ADARB2: variants seen among roughly 807,000 people sequenced by gnomAD.
ADARB2 encodes inactive double-stranded RNA-specific editase B2.
In ADARB2, 25 loss-of-function variants were observed where a neutral mutation model predicts 62.2. The ratio of observed to expected loss-of-function variants is 0.40; its 90% CI spans 0.29 to 0.56. ADARB2 has a LOEUF of 0.56. Among genes scored for constraint, ADARB2 ranks in the 20% least tolerant of loss-of-function variants. The pLI, the probability that ADARB2 is intolerant of heterozygous loss-of-function variation, is 0.43. For missense variants in ADARB2, 1,071 were observed against 1,077.4 expected (o/e 0.99, Z 0.08); for synonymous variants, 572 against 500.8 (o/e 1.14, Z -1.90).
intron 4 of ADARB2, among the ~76,000 whole-genome samples, chr10:1,245,385 G>A (rs908960105): frequency 3.3e-5 from 5 of 151,892 alleles, no homozygotes; most frequent in South Asian, 2.1e-4. Context: ...TGTGCACAAC[G>A]TGCAGGTTAG....
At chr10:1,323,161 A>G (rs1486061610) in intron 3 of ADARB2, among the ~76,000 whole-genome samples, 1 of 152,132 alleles carries the variant, frequency 6.6e-6, no homozygotes, top group Admixed American at 6.5e-5. Context: ...ACTGCATCTG[A>G]ATCTGAGGAA....
At chr10:1,453,523 C>T (rs577935668) in intron 1 of ADARB2, among the ~76,000 whole-genome samples, 7 of 152,274 alleles carry the variant, frequency 4.6e-5, no homozygotes, top group Admixed American at 6.5e-5. Flanking sequence ...ACACTGTCCT[C>T]TCTCCACTGA....
intron 1 of ADARB2, among the ~76,000 whole-genome samples, chr10:1,444,794 C>T (rs752331065): frequency 1.3e-5 from 2 of 150,254 alleles, no homozygotes; most frequent in Admixed American, 6.6e-5. Flanking sequence ...TCCATCCACC[C>T]ACTCATTCAT....
chr10:1,338,069 A>G (rs2131837122), intron 3 of ADARB2, among the ~76,000 whole-genome samples: 1 of 152,372 alleles, frequency 6.6e-6, no homozygotes, highest in South Asian at 2.1e-4. Context: ...AAATAAAAGC[A>G]TCTATTTTAC....
chr10:1,448,790 C>A (rs1000724785), intron 1 of ADARB2, among the ~76,000 whole-genome samples: 2 of 152,266 alleles, frequency 1.3e-5, no homozygotes, highest in Admixed American at 1.3e-4. Flanking sequence ...CCTTTGTCGA[C>A]CTAGCACTGC....
chr10:1,427,521 G>A (rs930353103), intron 1 of ADARB2, among the ~76,000 whole-genome samples: 1 of 152,214 alleles, frequency 6.6e-6, no homozygotes, highest in Non-Finnish European at 1.5e-5. Context: ...AAACTACAGT[G>A]AGATGTTACC....
chr10:1,300,299 G>C (rs1049409153), intron 3 of ADARB2, among the ~76,000 whole-genome samples: 4 of 152,102 alleles, frequency 2.6e-5, no homozygotes, highest in African/African-American at 9.7e-5. Flanking sequence ...GGCTGCCCTC[G>C]CAGCAGGGAT....
At chr10:1,433,268 T>C (rs2131890852) in intron 1 of ADARB2, among the ~76,000 whole-genome samples, 1 of 152,230 alleles carries the variant, frequency 6.6e-6, no homozygotes, top group Non-Finnish European at 1.5e-5. Context: ...GGGTCTCTCG[T>C]GTGTGCCCAG....
At chr10:1,617,462 C>G (rs374999810) in intron 1 of ADARB2, among the ~76,000 whole-genome samples, 1 of 53,584 alleles carries the variant, frequency 1.9e-5, no homozygotes, top group African/African-American at 7.8e-5. Context: ...TGCATTCTGT[C>G]GCTAGATGTT....
intron 7 of ADARB2, among the ~76,000 whole-genome samples, chr10:1,208,783 G>A (rs781640630): frequency 5.9e-5 from 9 of 152,214 alleles, no homozygotes; most frequent in Non-Finnish European, 2.9e-5. Context: ...GTGCCACAGG[G>A]AGGGCCTGGT....
intron 1 of ADARB2, among the ~76,000 whole-genome samples, chr10:1,691,611 A>G (rs551117828): frequency 2.7e-4 from 41 of 152,300 alleles, no homozygotes; most frequent in African/African-American, 8.9e-4. Flanking sequence ...TGGGCTAAAT[A>G]GAATGTACTG....
chr10:1,642,551 AACC>A (rs1269840275), intron 1 of ADARB2, among the ~76,000 whole-genome samples: 3 of 152,196 alleles, frequency 2.0e-5, no homozygotes, highest in Non-Finnish European at 4.4e-5. Flanking sequence ...GATCAGAAAA[AACC>A]ACCACATTGG....
chr10:1,522,581 G>A (rs952839421), intron 1 of ADARB2, among the ~76,000 whole-genome samples: 3 of 152,154 alleles, frequency 2.0e-5, no homozygotes, highest in Admixed American at 2.0e-4. Context: ...GCATGTTCCA[G>A]CTCCTTCTGT....
chr10:1,407,797 C>G (rs1340367343), intron 1 of ADARB2, among the ~76,000 whole-genome samples: 1 of 152,194 alleles, frequency 6.6e-6, no homozygotes, highest in Non-Finnish European at 1.5e-5. Context: ...GGGGGTTGCT[C>G]TCGCCCGGCC....
rs1836624524 is a variant in ADARB2 at position 1,178,844 on chromosome 10, C to G, written c.*4349G>C. On this transcript the variant is annotated 3_prime_UTR_variant, in exon 10 of 10. Transcript: ENST00000381312. ...TGAGGGCCGCGGGAAGCCCACAGAG[C>G]CTCACCGGGTTCTGTTGGGTGTTAT... is the stretch of plus-strand genomic sequence containing the variant. The G allele has an allele frequency of 6.6e-6, 1 of 152,184 alleles. No individual in the cohort carries two copies. The highest frequency in any genetic ancestry group is 6.5e-5 in the Admixed American group (1 of 15,280). The allele number at this position is 152,184 out of a possible 1,614,324, so 9.4% of individuals were successfully genotyped here.
chr10:1,329,656 T>C (rs1831909531), intron 3 of ADARB2, among the ~76,000 whole-genome samples: 1 of 152,236 alleles, frequency 6.6e-6, no homozygotes, highest in Non-Finnish European at 1.5e-5. Flanking sequence ...CATTAATCCC[T>C]CCGCCTCCCT....
intron 7 of ADARB2, among the ~76,000 whole-genome samples, chr10:1,213,598 G>A (rs1464586856): frequency 6.6e-6 from 1 of 152,236 alleles, no homozygotes; most frequent in East Asian, 1.9e-4. Context: ...AACCCGGCAG[G>A]TGCTTAGGAT....
At chr10:1,484,666 G>T (rs916923807) in intron 1 of ADARB2, among the ~76,000 whole-genome samples, 10 of 152,222 alleles carry the variant, frequency 6.6e-5, no homozygotes, top group Admixed American at 5.9e-4. Flanking sequence ...GCATAGGTAG[G>T]TGTGCATGCA....
intron 1 of ADARB2, among the ~76,000 whole-genome samples, chr10:1,657,697 G>A (rs1834188930): frequency 6.6e-6 from 1 of 152,188 alleles, no homozygotes. Flanking sequence ...CCTCTAAGCC[G>A]AGCGCAGGGT....
Sources: gnomAD v4.1 joint callset for allele counts (sites outside exome capture counted in the v4.1 genomes callset) on GRCh38, gnomAD v4.1.1 for gene constraint, MANE v1.5 for transcripts, NCBI Gene and HGNC (gene_info 2026-07-23, HGNC 2026-07-21) for gene names.